The following ICE1 variants were observed in gnomAD, a reference collection of about 807,000 sequenced individuals.
The protein encoded by ICE1 is interactor of little elongation complex ELL subunit 1, also known as little elongation complex subunit 1.
In ICE1, 64 loss-of-function variants were observed where a neutral mutation model predicts 192.7. The observed-to-expected ratio is 0.33, with a 90% confidence interval of 0.27 to 0.41. The LOEUF (loss-of-function observed/expected upper bound fraction) is 0.41, where lower values mean the gene tolerates loss of function less well. ICE1 is among the 10% of genes least tolerant of loss of function. The pLI is 1.00. For synonymous variants in ICE1, 1,010 were observed against 984.5 expected (o/e 1.03, Z -0.49); for missense variants, 2,708 against 2,696.0 (o/e 1.00, Z -0.10).
chr5:5,489,208 A>C lies in ICE1; in HGVS notation c.6679A>C (p.Asn2227His). 1 of 1,613,980 alleles carries C rather than the reference A, an allele frequency of 6.2e-7. No individual in the cohort carries two copies. Among genetic ancestry groups the C allele is most frequent in the Non-Finnish European group, 8.5e-7 (1 of 1,179,896 alleles). Residue 2227 changes from asparagine (N) to histidine (H), a missense_variant, in exon 19 of 19, where the codon AAT (asparagine) becomes CAT (histidine). By Grantham distance (68) the Asn-to-His change is moderately conservative. Around this residue, in one of 2 missense-constraint regions of ICE1, gnomAD observed 342 missense variants for 419.3 expected, o/e 0.82. Coordinates refer to ENST00000296564, the MANE Select transcript of ICE1 (RefSeq NM_015325.3). ...TGCTCTTTGTGACTTGAGTCCCAGCAATCCAGCAGAAATTTCCAAGATCCT... is the reference window on the plus strand; with the variant it reads ...TGCTCTTTGTGACTTGAGTCCCAGCCATCCAGCAGAAATTTCCAAGATCCT... ...VYALCDLSPSNPAEISKILEA... is the reference protein window; with the variant it reads ...VYALCDLSPSHPAEISKILEA...
At chr5:5,435,228 A>G (rs1229652792) in intron 1 of ICE1, among the ~76,000 whole-genome samples, 5 of 152,252 alleles carry the variant, frequency 3.3e-5, no homozygotes, top group African/African-American at 4.8e-5. Context: ...GTGATTTTTG[A>G]CAGATGGTGA....
chr5:5,452,724 A>G (rs1262154717), intron 10 of ICE1, among the ~76,000 whole-genome samples: 1 of 152,208 alleles, frequency 6.6e-6, no homozygotes, highest in Admixed American at 6.5e-5. Flanking sequence ...AAAACTGAAT[A>G]ATGATTACGC....
At chr5:5,453,306 T>G (rs928128986) in intron 10 of ICE1, among the ~76,000 whole-genome samples, 1 of 152,062 alleles carries the variant, frequency 6.6e-6, no homozygotes, top group Non-Finnish European at 1.5e-5. Context: ...ATCAGAAGGT[T>G]GTTTTGGCTC....
chr5:5,481,318 GT>G (rs763985096), intron 17 of ICE1, among the ~76,000 whole-genome samples: 54 of 152,202 alleles, frequency 3.5e-4, no homozygotes, highest in Admixed American at 1.5e-3. Context: ...TACTGGTTGT[GT>G]TTCTGTATTG....
chr5:5,453,954 G>A (rs961365524), intron 10 of ICE1, among the ~76,000 whole-genome samples: 6 of 152,152 alleles, frequency 3.9e-5, no homozygotes, highest in South Asian at 4.2e-4. Context: ...CTGTCTGCTC[G>A]TGTGTGTGAT....
chr5:5,460,415 G>C, intron 12 of ICE1, 21 bp from the exon 13 acceptor site: 1 of 1,357,912 alleles, frequency 7.4e-7, no homozygotes, highest in Non-Finnish European at 1.0e-6. Context: ...TGTTTGACAA[G>C]TGTAATTCAT....
At chr5:5,442,989 A>G (rs897565271) in intron 5 of ICE1, among the ~76,000 whole-genome samples, 179 bp from the exon 6 acceptor site, 2 of 152,164 alleles carry the variant, frequency 1.3e-5, no homozygotes, top group African/African-American at 2.4e-5. Context: ...GTTGGATTAT[A>G]TTGTTAGTCA....
Position 5,436,453 on chromosome 5 carries a change from G to A in ICE1, c.120G>A (p.Leu40=). 6.8e-7 allele frequency: 1 copy of A among 1,477,116 alleles called. No individual in the cohort carries two copies. Among genetic ancestry groups the A allele is most frequent in the Non-Finnish European group, 9.0e-7 (1 of 1,111,366 alleles). 91.5% of individuals were successfully genotyped at this position (1,477,116 alleles called of 1,614,324 possible). A position where few individuals can be genotyped will look rare whatever the true frequency, so the allele number is the denominator to read the frequency against. Residue 40 remains leucine (L), a synonymous_variant, in exon 2 of 19, where the codon TTG becomes TTA. Coordinates refer to ENST00000296564, the MANE Select transcript of ICE1 (RefSeq NM_015325.3). The part of the protein sequence containing the change: ...LNEYVEALIT[L]KQKIINTDNL... Reference sequence around the variant, plus strand: ...AATATGTTGAAGCATTAATTACCTTGAAACAAAAAATTATCAATACAGAGT... The same window carrying A: ...AATATGTTGAAGCATTAATTACCTTAAAACAAAAAATTATCAATACAGAGT...
chr5:5,465,290 A>C, intron 13 of ICE1, 64 bp downstream of exon 13: 1 of 1,179,210 alleles, frequency 8.5e-7, no homozygotes. Flanking sequence ...GATGCTGTTT[A>C]CTGTCAGCAA....
In ICE1 at chr5:5,460,809, A is replaced by G. The variant is rs780908434; in HGVS notation, c.1475A>G (p.Asp492Gly). 1 of 1,614,044 alleles carries G rather than the reference A, an allele frequency of 6.2e-7. No individual in the cohort carries two copies. The highest frequency in any genetic ancestry group is 8.5e-7 in the Non-Finnish European group (1 of 1,179,898). ...TKTQMEVREM[D>G]KSVQTEKTIH... ...ACACAAATGGAGGTTAGGGAGATGG[A>G]TAAGTCAGTACAAACTGAGAAGACC... The change falls in exon 13 of 19, where the codon GAT (aspartate) becomes GGT (glycine). Residue 492 changes from aspartate (D) to glycine (G), a missense_variant. Around this residue, in one of 2 missense-constraint regions of ICE1, gnomAD observed 2,366 missense variants for 2,276.6 expected, o/e 1.04. Coordinates refer to ENST00000296564, the MANE Select transcript of ICE1 (RefSeq NM_015325.3).
chr5:5,463,464 T>A lies in ICE1; in HGVS notation c.4130T>A (p.Val1377Glu). 1 of 1,612,880 alleles carries A rather than the reference T, an allele frequency of 6.2e-7. No individual in the cohort carries two copies. Residue 1377 changes from valine (V) to glutamate (E), a missense_variant, in exon 13 of 19, where the codon GTG becomes GAG. Physicochemically the swap from Val to Glu is moderately radical, Grantham distance 121 (BLOSUM62 -2). This residue lies in a region of ICE1 where 2,366 missense variants were observed against 2,276.6 expected (regional missense o/e 1.04). Coordinates refer to ENST00000296564, the MANE Select transcript of ICE1 (RefSeq NM_015325.3). ...CCATCAGCCTTGTGCTCTGACTCTGTGATGGAGCCATCCATAGAGCAAAGT... is the reference window on the plus strand; with the variant it reads ...CCATCAGCCTTGTGCTCTGACTCTGAGATGGAGCCATCCATAGAGCAAAGT... ...VEPSALCSDS[V>E]MEPSIEQSSN...
rs1738891783 is a variant in ICE1 at position 5,464,018 on chromosome 5, G to A, written c.4684G>A (p.Asp1562Asn). 1 of 1,613,586 alleles carries A rather than the reference G, an allele frequency of 6.2e-7. No homozygotes were observed. The highest frequency in any genetic ancestry group is 8.5e-7 in the Non-Finnish European group (1 of 1,179,812). The stretch of plus-strand genomic sequence containing the variant: ...GAATCGATCAAAGATTTCAAACAAA[G>A]ATCAGTCAAACAAACCAGTAAAAAC... ...NKNRSKISNKDQSNKPVKTSA... is the reference protein window; with the variant it reads ...NKNRSKISNKNQSNKPVKTSA... Residue 1562 changes from aspartate to asparagine, a missense_variant, in exon 13 of 19, where the codon GAT (aspartate) becomes AAT (asparagine). By Grantham distance (23) the Asp-to-Asn change is conservative (BLOSUM62 1). Around this residue, in one of 2 missense-constraint regions of ICE1, gnomAD observed 2,366 missense variants for 2,276.6 expected, o/e 1.04. Coordinates refer to ENST00000296564, the MANE Select transcript of ICE1 (RefSeq NM_015325.3). The surrounding 1 kb of genome is among the most constrained non-coding windows in gnomAD (Gnocchi z 4.0).
rs61738815 is a variant in ICE1 at position 5,476,036 on chromosome 5, G to A, written c.6477G>A (p.Ala2159=). 6,114 of 1,609,894 alleles carry A rather than the reference G, an allele frequency of 3.8e-3. 24 individuals carry two copies. Among genetic ancestry groups the A allele is most frequent in the Non-Finnish European group, 4.5e-3 (5,348 of 1,177,160 alleles). The change falls in exon 17 of 19, where the codon GCG becomes GCA. Residue 2159 remains alanine (A), a synonymous_variant. Coordinates refer to ENST00000296564, the MANE Select transcript of ICE1 (RefSeq NM_015325.3). ...IKYRKGHANI[A]YTPDIIIASI... is the part of the protein sequence containing the mutation. ...ACAGAAAAGGACATGCAAACATTGC[G>A]TATACTCCTGATATTATTATAGCCT...
Position 5,490,138 on chromosome 5 carries a change from A to G in ICE1, c.*808A>G, listed in dbSNP as rs984266545. On this transcript the variant is annotated 3_prime_UTR_variant, in exon 19 of 19. Coordinates refer to ENST00000296564, the MANE Select transcript of ICE1 (RefSeq NM_015325.3). ...TAGAAAATGGGTTTAATAACTCACC[A>G]TGGTTTTGATTTGTCTTATATTCGT... 2.6e-5 allele frequency: 4 copies of G among 152,200 alleles called. No homozygotes were observed. The highest frequency in any genetic ancestry group is 2.6e-4 in the Admixed American group (4 of 15,276). The allele number at this position is 152,200 out of a possible 1,614,324, so 9.4% of individuals were successfully genotyped here. A position where few individuals can be genotyped will look rare whatever the true frequency, so the allele number is the denominator to read the frequency against.
At chr5:5,485,430 A>G (rs1739616309) in intron 17 of ICE1, among the ~76,000 whole-genome samples, 1 of 152,142 alleles carries the variant, frequency 6.6e-6, no homozygotes, top group South Asian at 2.1e-4. Flanking sequence ...TATCCGTAAG[A>G]CTGAATATAT....
chr5:5,452,825 T>C (rs1738464772), intron 10 of ICE1, among the ~76,000 whole-genome samples: 1 of 152,118 alleles, frequency 6.6e-6, no homozygotes, highest in African/African-American at 2.4e-5. Flanking sequence ...ATAAATTAAA[T>C]AAATAAATAT....
intron 17 of ICE1, among the ~76,000 whole-genome samples, chr5:5,485,782 GAA>G (rs148200185): frequency 6.6e-6 from 1 of 152,166 alleles, no homozygotes; most frequent in South Asian, 2.1e-4. Flanking sequence ...TCTCATCACA[GAA>G]AAGTCTTAAA....
intron 17 of ICE1, among the ~76,000 whole-genome samples, chr5:5,486,255 G>A (rs1739636121): frequency 6.6e-6 from 1 of 152,194 alleles, no homozygotes; most frequent in South Asian, 2.1e-4. Flanking sequence ...TCACAGTCCG[G>A]TAGTTTGATC....
Position 5,466,446 on chromosome 5 carries a change from G to A in ICE1, c.6005G>A (p.Arg2002Gln), listed in dbSNP as rs1414250302. ...TGCAGGGTGTATGTGGGTATTTGTC[G>A]GCAACTCGGAGACTTGGAAAGAGCT... is the stretch of plus-strand genomic sequence containing the variant. ...ALCRVYVGICRQLGDLERARL... is the reference protein window; with the variant it reads ...ALCRVYVGICQQLGDLERARL... Residue 2002 changes from arginine (R) to glutamine (Q), a missense_variant, in exon 14 of 19, where the codon CGG becomes CAG. This residue lies in a region of ICE1 where 342 missense variants were observed against 419.3 expected (regional missense o/e 0.82). Coordinates refer to ENST00000296564, the MANE Select transcript of ICE1 (RefSeq NM_015325.3). The A allele has an allele frequency of 4.7e-5, 76 of 1,612,956 alleles. No individual in the cohort carries two copies. Among genetic ancestry groups the A allele is most frequent in the Middle Eastern group, 1.6e-4 (1 of 6,080 alleles).
Sources: gnomAD v4.1 joint callset for allele counts (sites outside exome capture counted in the v4.1 genomes callset) on GRCh38, gnomAD v4.1.1 for gene constraint, gnomAD v4.1.1 regional missense constraint, Gnocchi (gnomAD v3.1) non-coding constraint, MANE v1.5 for transcripts, NCBI Gene and HGNC (gene_info 2026-07-23, HGNC 2026-07-21) for gene names.